Variants in AIG1 observed in about 807,000 individuals in gnomAD.
AIG1 encodes androgen induced 1.
AIG1 carries 23 observed loss-of-function variants against 31.4 expected under a neutral mutation model. That is an observed-to-expected ratio of 0.73 (90% CI 0.53 to 1.04). The LOEUF is 1.04. Among genes scored for constraint, AIG1 ranks in the 50% least tolerant of loss-of-function variants. The probability of loss-of-function intolerance (pLI) is 0.00; values close to 1 mark genes in which losing one functional copy is unlikely to be tolerated. For missense variants in AIG1, 274 were observed against 295.0 expected, an observed-to-expected ratio of 0.93 and a Z score of 0.52; for synonymous variants, 100 against 110.5, an observed-to-expected ratio of 0.90 and a Z score of 0.60.
chr6:143,336,518 CT>C (rs1777505990), intron 5 of AIG1, among the ~76,000 whole-genome samples: 1 of 152,082 alleles, frequency 6.6e-6, no homozygotes, highest in African/African-American at 2.4e-5. Context: ...CCCTGATGAC[CT>C]CATTTGTAAA....
chr6:143,332,228 A>T (rs1012306527), intron 4 of AIG1, among the ~76,000 whole-genome samples: 5 of 152,142 alleles, frequency 3.3e-5, no homozygotes, highest in Non-Finnish European at 5.9e-5. Context: ...AAGGAAAATG[A>T]CCTCAGAACA....
At chr6:143,295,088 C>T (rs951234608) in intron 4 of AIG1, among the ~76,000 whole-genome samples, 2 of 152,158 alleles carry the variant, frequency 1.3e-5, no homozygotes, top group South Asian at 4.1e-4. Context: ...CCTGCATCCC[C>T]TTGTCATCAT....
intron 1 of AIG1, among the ~76,000 whole-genome samples, chr6:143,088,121 A>T (rs2128473864): frequency 6.6e-6 from 1 of 152,310 alleles, no homozygotes; most frequent in East Asian, 1.9e-4. Flanking sequence ...TGTGTGCAGT[A>T]ATCATGGGGT....
In AIG1 at chr6:143,297,493, G is replaced by C. The variant is rs1798509917; in HGVS notation, c.515+13268G>C. On this transcript the variant is annotated intron_variant, in intron 4 of 5. Transcript: ENST00000357847. This position sits in a 1 kb window ranked among gnomAD's most constrained non-coding sequence, Gnocchi z 5.1. Reference sequence around the variant, plus strand: ...GGTTGGTTGGTTGGATGGTTTCTTGGGTGGTTGGATGGATGGTTGGGTGGT... The same window carrying C: ...GGTTGGTTGGTTGGATGGTTTCTTGCGTGGTTGGATGGATGGTTGGGTGGT... 2.1e-5 allele frequency among the ~76,000 whole-genome samples: 1 copy of C among 47,104 alleles called. No individual in the cohort carries two copies. The highest frequency in any genetic ancestry group is 2.5e-4 in the Admixed American group (1 of 4,074). The allele number at this position is 47,104 out of a possible 152,430, so 30.9% of individuals were successfully genotyped here. A position where few individuals can be genotyped will look rare whatever the true frequency, so the allele number is the denominator to read the frequency against.
chr6:143,069,263 T>C (rs1307071637), intron 1 of AIG1, among the ~76,000 whole-genome samples: 1 of 152,180 alleles, frequency 6.6e-6, no homozygotes, highest in Non-Finnish European at 1.5e-5. Flanking sequence ...GCGATCCACC[T>C]GCCTTGGCCT....
intron 3 of AIG1, among the ~76,000 whole-genome samples, chr6:143,177,798 G>T (rs1788311766): frequency 6.6e-6 from 1 of 152,194 alleles, no homozygotes; most frequent in Non-Finnish European, 1.5e-5. Flanking sequence ...GATGGCAGCA[G>T]CCCTGGACAG....
At position 143,165,167 on chromosome 6, in the gene AIG1, G is replaced by A. The variant is rs1365952076; in HGVS notation, c.383G>A (p.Trp128Ter). Reference sequence around the variant, plus strand: ...CTGCTGGATAATTTTATCCCAGGGTGGCTGAATCACGGAATGGTGAGTGGA... The same window carrying A: ...CTGCTGGATAATTTTATCCCAGGGTAGCTGAATCACGGAATGGTGAGTGGA... ...PKLLDNFIPG[W>*]LNHGMHTTVL... The change falls in exon 3 of 6, where the codon TGG becomes TAG. Residue 128 changes from tryptophan to a stop codon, truncating the protein, a stop_gained. Coordinates refer to ENST00000357847, the MANE Select transcript of AIG1 (RefSeq NM_016108.4). LOFTEE classifies it high-confidence loss of function. The A allele has an allele frequency of 6.2e-7, 1 of 1,612,870 alleles. No homozygotes were observed. Among genetic ancestry groups the A allele is most frequent in the East Asian group, 2.2e-5 (1 of 44,850 alleles).
At chr6:143,150,375 T>G (rs966865043) in intron 2 of AIG1, among the ~76,000 whole-genome samples, 9 of 152,178 alleles carry the variant, frequency 5.9e-5, no homozygotes, top group African/African-American at 1.2e-4. Context: ...TCAATAGACC[T>G]TCTGGCAAGT....
At chr6:143,061,631 C>A in intron 1 of AIG1, 1 of 289,926 alleles carries the variant, frequency 3.4e-6, no homozygotes, top group Non-Finnish European at 6.9e-6. Flanking sequence ...AATTTACTTT[C>A]AACCTTTACC....
At chr6:143,090,655 G>A (rs1226053001) in intron 1 of AIG1, among the ~76,000 whole-genome samples, 1 of 152,198 alleles carries the variant, frequency 6.6e-6, no homozygotes, top group South Asian at 2.1e-4. Context: ...TCTAAAAAAT[G>A]TACATGCCTT....
intron 4 of AIG1, among the ~76,000 whole-genome samples, chr6:143,301,637 A>C (rs1394835570): frequency 6.6e-6 from 1 of 152,184 alleles, no homozygotes; most frequent in African/African-American, 2.4e-5. Context: ...AAAGGTGTGG[A>C]GAAGGCCCTT....
intron 4 of AIG1, among the ~76,000 whole-genome samples, chr6:143,316,603 A>G (rs929466088): frequency 1.3e-5 from 2 of 152,166 alleles, no homozygotes; most frequent in African/African-American, 4.8e-5. Context: ...CTAGAGAAAG[A>G]AGAACAAACC....
At chr6:143,135,656 G>C (rs1421164597) in intron 1 of AIG1, among the ~76,000 whole-genome samples, 1 of 152,092 alleles carries the variant, frequency 6.6e-6, no homozygotes, top group Non-Finnish European at 1.5e-5. Flanking sequence ...AAAAAGCCTA[G>C]GTTAACAATT....
intron 3 of AIG1, among the ~76,000 whole-genome samples, chr6:143,180,683 A>ATAT (rs769085122): frequency 6.6e-6 from 1 of 152,168 alleles, no homozygotes; most frequent in Non-Finnish European, 1.5e-5. Context: ...GAAGGTTAGG[A>ATAT]TATTATTATT....
intron 1 of AIG1, among the ~76,000 whole-genome samples, chr6:143,131,792 A>C (rs1008483737): frequency 7.9e-5 from 12 of 152,172 alleles, no homozygotes; most frequent in African/African-American, 2.9e-4. Flanking sequence ...TGGTACCCTA[A>C]CCATAAAACC....
chr6:143,134,817 C>A (rs1783589031), intron 1 of AIG1, among the ~76,000 whole-genome samples: 1 of 152,058 alleles, frequency 6.6e-6, no homozygotes, highest in South Asian at 2.1e-4. Context: ...ATGATATTTT[C>A]AACATTTTAT....
chr6:143,252,629 A>G (rs1409249105), intron 3 of AIG1, among the ~76,000 whole-genome samples: 4 of 152,222 alleles, frequency 2.6e-5, no homozygotes. Context: ...CCGAACATGT[A>G]TGAGTAAGGT....
intron 3 of AIG1, among the ~76,000 whole-genome samples, chr6:143,174,317 T>C (rs1787925572): frequency 6.6e-6 from 1 of 151,650 alleles, no homozygotes; most frequent in Admixed American, 6.6e-5. Flanking sequence ...TGAAACCCCA[T>C]CTCTATTAAA....
intron 4 of AIG1, among the ~76,000 whole-genome samples, chr6:143,319,020 G>A (rs1463389672): frequency 6.6e-6 from 1 of 152,144 alleles, no homozygotes; most frequent in Admixed American, 6.5e-5. Context: ...TTTTTACACT[G>A]CTGATGGGAA....
Sources: gnomAD v4.1 joint callset for allele counts (sites outside exome capture counted in the v4.1 genomes callset) on GRCh38, gnomAD v4.1.1 for gene constraint, Gnocchi (gnomAD v3.1) non-coding constraint, MANE v1.5 for transcripts, NCBI Gene and HGNC (gene_info 2026-07-23, HGNC 2026-07-21) for gene names.